The following FAT3 variants were observed in gnomAD, a reference collection of about 807,000 sequenced individuals.
The protein encoded by FAT3 is protocadherin Fat 3.
In FAT3, 95 loss-of-function variants were observed where a neutral mutation model predicts 310.2. That is an observed-to-expected ratio of 0.31 (90% CI 0.26 to 0.36). FAT3 has a LOEUF of 0.36. FAT3 is among the 10% of genes least tolerant of loss of function. The probability of loss-of-function intolerance (pLI) is 1.00; values close to 1 mark genes in which losing one functional copy is unlikely to be tolerated. For synonymous variants in FAT3, 2,314 were observed against 2,192.9 expected (o/e 1.06, Z -1.54); for missense variants, 5,408 against 5,715.6 (o/e 0.95, Z 1.74).
intron 17 of FAT3, among the ~76,000 whole-genome samples, chr11:92,839,680 G>A (rs1258144818): frequency 6.6e-6 from 1 of 152,166 alleles, no homozygotes; most frequent in Non-Finnish European, 1.5e-5. Context: ...TCCTTAGGTC[G>A]ATGGCATCAG....
At chr11:92,598,842 T>C (rs775384385) in intron 3 of FAT3, among the ~76,000 whole-genome samples, 3 of 152,202 alleles carry the variant, frequency 2.0e-5, no homozygotes, top group Non-Finnish European at 2.9e-5. Context: ...ATGATAATGA[T>C]TAAGACCTGC....
chr11:92,283,724 G>A (rs539417678), intron 1 of FAT3, among the ~76,000 whole-genome samples: 10 of 152,264 alleles, frequency 6.6e-5, no homozygotes, highest in Middle Eastern at 3.4e-3. Flanking sequence ...AAAGTGGCCC[G>A]TGCATAAAGT....
At chr11:92,757,367 T>C (rs1351940154) in intron 4 of FAT3, among the ~76,000 whole-genome samples, 2 of 152,208 alleles carry the variant, frequency 1.3e-5, no homozygotes, top group African/African-American at 4.8e-5. Flanking sequence ...TCTGTTCTTT[T>C]GTGAGGCTGT....
intron 10 of FAT3, among the ~76,000 whole-genome samples, chr11:92,802,754 A>C (rs1028991994): frequency 2.0e-5 from 3 of 152,252 alleles, no homozygotes; most frequent in Non-Finnish European, 4.4e-5. Context: ...GTAAAGAATC[A>C]TCAATACTTG....
At chr11:92,846,153 G>A (rs1306985432) in intron 19 of FAT3, among the ~76,000 whole-genome samples, 1 of 152,140 alleles carries the variant, frequency 6.6e-6, no homozygotes, top group African/African-American at 2.4e-5. Flanking sequence ...CTCTGCTAGG[G>A]TCTGTATGCG....
intron 3 of FAT3, among the ~76,000 whole-genome samples, chr11:92,572,876 C>A (rs960178629): frequency 6.6e-6 from 1 of 152,120 alleles, no homozygotes; most frequent in African/African-American, 2.4e-5. Flanking sequence ...ATTTTAAAAA[C>A]TGAGTCCATA....
At position 92,892,765 on chromosome 11, in the gene FAT3, CTG is replaced by C. The variant is rs1949943722; in HGVS notation, c.*1654_*1655del. 3 of 152,198 alleles carry C rather than the reference CTG, an allele frequency of 2.0e-5. No individual in the cohort carries two copies. The highest frequency in any genetic ancestry group is 2.4e-5 in the African/African-American group (1 of 41,450). The allele number at this position is 152,198 out of a possible 1,614,324, so 9.4% of individuals were successfully genotyped here. The stretch of plus-strand genomic sequence containing the variant: ...TGTTATAATTTTCCAGAACTTACCT[CTG>C]TTTTAAAAGTGTGTAATGTTTGATT... On this transcript the variant is annotated 3_prime_UTR_variant, in exon 28 of 28. Coordinates refer to ENST00000525166, the MANE Select transcript of FAT3 (RefSeq NM_001367949.2).
intron 2 of FAT3, among the ~76,000 whole-genome samples, chr11:92,429,130 T>C (rs1028455737): frequency 6.6e-6 from 1 of 152,216 alleles, no homozygotes; most frequent in Admixed American, 6.5e-5. Flanking sequence ...TACCATTATG[T>C]AGTGCCCTTC....
intron 2 of FAT3, among the ~76,000 whole-genome samples, chr11:92,517,359 G>C (rs1272657457): frequency 1.3e-5 from 2 of 151,896 alleles, no homozygotes; most frequent in African/African-American, 4.8e-5. Context: ...TGATAAACCA[G>C]ACAAAAACAA....
At chr11:92,615,296 G>T (rs1565458817) in intron 3 of FAT3, among the ~76,000 whole-genome samples, 1 of 151,764 alleles carries the variant, frequency 6.6e-6, no homozygotes, top group African/African-American at 2.4e-5. Context: ...GCCCAGGCTG[G>T]AGTGCAGTGG....
intron 4 of FAT3, among the ~76,000 whole-genome samples, chr11:92,697,971 A>G (rs1221743437): frequency 6.6e-6 from 1 of 152,170 alleles, no homozygotes; most frequent in Non-Finnish European, 1.5e-5. Flanking sequence ...TAAAAGTGTT[A>G]TTTCTGGAGA....
chr11:92,558,528 G>A (rs1197041236), intron 3 of FAT3, among the ~76,000 whole-genome samples: 2 of 152,084 alleles, frequency 1.3e-5, no homozygotes, highest in Admixed American at 6.6e-5. Context: ...CTGGCACTGA[G>A]CAAGCCCTAT....
intron 3 of FAT3, among the ~76,000 whole-genome samples, chr11:92,672,429 T>C (rs1369833138): frequency 6.6e-6 from 1 of 152,160 alleles, no homozygotes; most frequent in Admixed American, 6.5e-5. Context: ...AATGTTGAAG[T>C]AAATATTGCT....
chr11:92,733,191 C>T lies in FAT3; in HGVS notation c.3670-28665C>T, dbSNP rs543316159. Among the ~76,000 whole-genome samples, 6 of 152,098 alleles carry T rather than the reference C, an allele frequency of 3.9e-5. No individual in the cohort carries two copies. The East Asian group carries it at 1.2e-3, about 29-fold the overall frequency. On this transcript the variant is annotated intron_variant, in intron 4 of 27. Transcript: ENST00000525166. The stretch of plus-strand genomic sequence containing the variant: ...GCCTTGTTAGACAGTGTGGATCCAA[C>T]TGGGAGCCACTCTGGAAGAAACAGG...
intron 1 of FAT3, among the ~76,000 whole-genome samples, chr11:92,312,835 C>T (rs1198190022): frequency 7.2e-5 from 11 of 152,162 alleles, no homozygotes; most frequent in Non-Finnish European, 1.2e-4. Flanking sequence ...CCCATCAAAG[C>T]GTCTTTCCTT....
Position 92,354,231 on chromosome 11 carries a change from A to T in FAT3, c.2119A>T (p.Asn707Tyr), listed in dbSNP as rs1948661690. The T allele has an allele frequency of 6.2e-7, 1 of 1,613,770 alleles. No homozygotes were observed. The highest frequency in any genetic ancestry group is 8.5e-7 in the Non-Finnish European group (1 of 1,179,864). ...LIKAKANGKL[N>Y]LEDGFLDFYS... is the part of the protein sequence containing the mutation. ...TAAGGCAAAAGCAAATGGGAAACTG[A>T]ATCTGGAAGATGGATTTCTTGACTT... The change falls in exon 2 of 28, where the codon AAT (asparagine) becomes TAT (tyrosine). Residue 707 changes from asparagine to tyrosine, a missense_variant. Physicochemically the swap from Asn to Tyr is moderately radical, Grantham distance 143. This residue lies in a region of FAT3 where 4,588 missense variants were observed against 4,809.8 expected (regional missense o/e 0.95). Coordinates refer to ENST00000525166, the MANE Select transcript of FAT3 (RefSeq NM_001367949.2).
chr11:92,682,780 A>G (rs1943518266), intron 3 of FAT3, among the ~76,000 whole-genome samples: 1 of 152,120 alleles, frequency 6.6e-6, no homozygotes. Flanking sequence ...AGGAAGTGCT[A>G]TTTAAATGGT....
intron 2 of FAT3, among the ~76,000 whole-genome samples, chr11:92,471,403 C>G (rs1217211009): frequency 6.6e-6 from 1 of 152,118 alleles, no homozygotes; most frequent in Non-Finnish European, 1.5e-5. Context: ...AATGTCTTAA[C>G]TAAGCATTTT....
intron 3 of FAT3, among the ~76,000 whole-genome samples, chr11:92,683,765 G>A (rs979429095): frequency 1.3e-5 from 2 of 152,216 alleles, no homozygotes; most frequent in Non-Finnish European, 1.5e-5. Context: ...GCTTCAGTTC[G>A]TTAATACAGA....
Sources: gnomAD v4.1 joint callset for allele counts (sites outside exome capture counted in the v4.1 genomes callset) on GRCh38, gnomAD v4.1.1 for gene constraint, gnomAD v4.1.1 regional missense constraint, MANE v1.5 for transcripts, NCBI Gene and HGNC (gene_info 2026-07-23, HGNC 2026-07-21) for gene names.